Variants in GPHN observed in about 807,000 individuals in gnomAD.
GPHN encodes the protein gephyrin.
GPHN carries 17 observed loss-of-function variants against 95.5 expected under a neutral mutation model. The observed-to-expected ratio is 0.18, with a 90% CI of 0.12 to 0.27. The LOEUF (loss-of-function observed/expected upper bound fraction) is 0.27. Ranked by LOEUF, GPHN falls within the 10% of genes least tolerant of loss-of-function variation. GPHN has a pLI of 1.00. For missense variants in GPHN, 660 were observed against 978.1 expected (o/e 0.67, Z 4.34); for synonymous variants, 320 against 322.5 (o/e 0.99, Z 0.08).
At chr14:66,510,203 C>G (rs17827716) in intron 1 of GPHN, among the ~76,000 whole-genome samples, 50,179 of 152,060 alleles carry the variant, frequency 0.33, 12,219 homozygotes, top group African/African-American at 0.66. Context: ...GGTGGGATGT[C>G]AAAGTGTATA....
intron 1 of GPHN, among the ~76,000 whole-genome samples, chr14:66,596,149 T>TCCACA (rs2061963149): frequency 6.6e-6 from 1 of 152,030 alleles, no homozygotes; most frequent in South Asian, 2.1e-4. Flanking sequence ...TCTTTTCTGC[T>TCCACA]GGCAGATTGT....
intron 2 of GPHN, among the ~76,000 whole-genome samples, chr14:66,684,907 C>G (rs2067240496): frequency 6.6e-6 from 1 of 152,144 alleles, no homozygotes; most frequent in Non-Finnish European, 1.5e-5. Context: ...CCTCTCACCC[C>G]ACCCCACAAC....
intron 1 of GPHN, among the ~76,000 whole-genome samples, chr14:66,657,694 G>A (rs981336520): frequency 7.2e-5 from 11 of 151,994 alleles, no homozygotes; most frequent in African/African-American, 2.4e-4. Flanking sequence ...CAATACATCT[G>A]TTTACAGCAT....
chr14:67,422,339 T>C, the GPHN span, among the ~76,000 whole-genome samples: 1 of 152,178 alleles, frequency 6.6e-6, no homozygotes, highest in East Asian at 1.9e-4. Context: ...TCCTGTCTTC[T>C]GCCCCCTGAC....
At chr14:67,339,819 C>T in the GPHN span, among the ~76,000 whole-genome samples, 5 of 152,048 alleles carry the variant, frequency 3.3e-5, no homozygotes, top group African/African-American at 1.2e-4. Context: ...TAATCAAGGG[C>T]CAGGCACGGT....
chr14:67,150,463 A>C (rs972245946), intron 18 of GPHN, among the ~76,000 whole-genome samples: 2 of 149,618 alleles, frequency 1.3e-5, no homozygotes, highest in East Asian at 1.9e-4. Flanking sequence ...CAAAAAAAAA[A>C]AAAAAAAAAA....
intron 9 of GPHN, chr14:66,969,157 T>C (rs2069561266): frequency 6.6e-6 from 1 of 152,132 alleles, no homozygotes; most frequent in South Asian, 2.1e-4. Context: ...GGAAAAGTCA[T>C]TTCTCTTTTA....
At chr14:67,688,017 C>T in the GPHN span, among the ~76,000 whole-genome samples, 1 of 152,136 alleles carries the variant, frequency 6.6e-6, no homozygotes, top group Non-Finnish European at 1.5e-5. Context: ...AGGTGATCCA[C>T]CAGCCTCGGC....
chr14:67,324,973 C>T, the GPHN span, among the ~76,000 whole-genome samples: 2 of 137,926 alleles, frequency 1.5e-5, no homozygotes, highest in African/African-American at 5.7e-5. Context: ...AGCGCAATCT[C>T]GGCTGACTGC....
chr14:67,468,047 C>T, the GPHN span, among the ~76,000 whole-genome samples: 4 of 151,914 alleles, frequency 2.6e-5, no homozygotes, highest in African/African-American at 9.7e-5. Context: ...GATCTCGGCT[C>T]ACTGCAACCT....
the GPHN span, chr14:67,199,952 C>A: frequency 7.6e-7 from 1 of 1,321,928 alleles, no homozygotes; most frequent in Non-Finnish European, 1.0e-6. Context: ...CCATTCCCAC[C>A]AGGAGGAGTG....
intron 2 of GPHN, among the ~76,000 whole-genome samples, chr14:66,771,085 G>A (rs1420046266): frequency 1.3e-5 from 2 of 152,066 alleles, no homozygotes; most frequent in African/African-American, 4.8e-5. Context: ...CTAAGCCACT[G>A]GCTCCAATGG....
chr14:66,717,382 G>A (rs2070284606), intron 2 of GPHN, among the ~76,000 whole-genome samples: 1 of 151,950 alleles, frequency 6.6e-6, no homozygotes, highest in Non-Finnish European at 1.5e-5. Flanking sequence ...CTATTTCATT[G>A]AATATTTCTT....
At chr14:67,578,422 T>G in the GPHN span, 1 of 860,678 alleles carries the variant, frequency 1.2e-6, no homozygotes, top group African/African-American at 1.7e-5. This position sits in a 1 kb window ranked among gnomAD's most constrained non-coding sequence, Gnocchi z 5.0. Flanking sequence ...CCAGAGCAAG[T>G]TGGGGGCTCT....
chr14:67,389,811 T>G, the GPHN span, among the ~76,000 whole-genome samples: 1 of 152,022 alleles, frequency 6.6e-6, no homozygotes. Flanking sequence ...CATTTGTTTA[T>G]TTTTTCCTTG....
intron 2 of GPHN, among the ~76,000 whole-genome samples, chr14:66,699,772 A>G (rs183028711): frequency 6.6e-6 from 1 of 152,320 alleles, no homozygotes; most frequent in Admixed American, 6.5e-5. Context: ...TAGGAGTGAA[A>G]GAAACATCTA....
At chr14:66,638,592 T>G (rs1355339963) in intron 1 of GPHN, among the ~76,000 whole-genome samples, 3 of 152,148 alleles carry the variant, frequency 2.0e-5, no homozygotes, top group Non-Finnish European at 4.4e-5. Flanking sequence ...GTCCAAAATA[T>G]TGCATGATCT....
chr14:66,875,944 A>G (rs1025922536), intron 4 of GPHN, among the ~76,000 whole-genome samples: 69 of 152,324 alleles, frequency 4.5e-4, no homozygotes, highest in Middle Eastern at 3.4e-3. Flanking sequence ...AATCAACAGA[A>G]TGTACATTCT....
At chr14:67,482,882 C>T in the GPHN span, among the ~76,000 whole-genome samples, 21 of 152,202 alleles carry the variant, frequency 1.4e-4, no homozygotes, top group African/African-American at 4.8e-4. Flanking sequence ...CCTCCCTCCA[C>T]CTCCCAAGTC....
Sources: gnomAD v4.1 joint callset for allele counts (sites outside exome capture counted in the v4.1 genomes callset) on GRCh38, gnomAD v4.1.1 for gene constraint, Gnocchi (gnomAD v3.1) non-coding constraint, MANE v1.5 for transcripts, NCBI Gene and HGNC (gene_info 2026-07-23, HGNC 2026-07-21) for gene names.